CSTL1: variants seen among roughly 807,000 people sequenced by gnomAD.
CSTL1 encodes the protein cystatin-like 1.
CSTL1 carries 14 observed loss-of-function variants against 14.4 expected under a neutral mutation model. The ratio of observed to expected loss-of-function variants is 0.97; its 90% CI spans 0.64 to 1.52. The LOEUF (loss-of-function observed/expected upper bound fraction) is 1.52, where lower values mean the gene tolerates loss of function less well. Ranked by LOEUF, CSTL1 falls within the 40% of genes most tolerant of loss-of-function variation. The probability of loss-of-function intolerance (pLI) is 0.00; values close to 1 mark genes in which losing one functional copy is unlikely to be tolerated. For synonymous variants in CSTL1, 72 were observed against 67.5 expected, an observed-to-expected ratio of 1.07 and a Z score of -0.33; for missense variants, 170 against 168.7, an observed-to-expected ratio of 1.01 and a Z score of -0.04.
At chr20:23,455,527 G>A in the CSTL1 span, among the ~76,000 whole-genome samples, 2 of 152,356 alleles carry the variant, frequency 1.3e-5, no homozygotes, top group South Asian at 2.1e-4. Context: ...GGGCAGGGTG[G>A]TGGGGCTCAC....
chr20:23,457,857 C>T, the CSTL1 span, among the ~76,000 whole-genome samples: 2 of 152,170 alleles, frequency 1.3e-5, no homozygotes, highest in African/African-American at 4.8e-5. Flanking sequence ...GAAAGTCCCA[C>T]TGTAAACTGA....
intron 2 of CSTL1, 60 bp from the exon 3 acceptor site, chr20:23,443,874 G>A (rs1390048290): frequency 5.5e-6 from 7 of 1,272,472 alleles, no homozygotes; most frequent in Non-Finnish European, 8.0e-6. Flanking sequence ...GCTTCTCCAG[G>A]AGAGGGTCAG....
At chr20:23,447,821 T>C (rs6083128), downstream of CSTL1, among the ~76,000 whole-genome samples, 77,049 of 152,102 alleles carry the variant, frequency 0.51, 21,181 homozygotes, top group African/African-American at 0.74. Context: ...GATGTGCTTA[T>C]GTTTAGCCTT....
At chr20:23,459,186 T>A in the CSTL1 span, 1 of 152,280 alleles carries the variant, frequency 6.6e-6, no homozygotes, top group Non-Finnish European at 1.5e-5. Context: ...CACACTTCTA[T>A]CAAAACATGC....
the CSTL1 span, among the ~76,000 whole-genome samples, chr20:23,456,747 G>A: frequency 0.067 from 10,219 of 152,204 alleles, 557 homozygotes; most frequent in East Asian, 0.3. Context: ...ATTCCCTCTG[G>A]ATGGCCTAAG....
downstream of CSTL1, among the ~76,000 whole-genome samples, chr20:23,445,603 CTCA>C (rs1986950869): frequency 6.6e-6 from 1 of 152,178 alleles, no homozygotes; most frequent in East Asian, 1.9e-4. Context: ...TTGGGGAAAC[CTCA>C]TCATTCTTTC....
chr20:23,449,390 G>A (rs759201839), downstream of CSTL1, among the ~76,000 whole-genome samples: 3 of 150,938 alleles, frequency 2.0e-5, no homozygotes, highest in South Asian at 2.1e-4. Flanking sequence ...CTGTAATGCC[G>A]TGTGTATGTG....
At chr20:23,445,311 G>A (rs1446922070), downstream of CSTL1, among the ~76,000 whole-genome samples, 10 of 147,870 alleles carry the variant, frequency 6.8e-5, no homozygotes, top group Admixed American at 1.4e-4. Flanking sequence ...TGAAGCCTCC[G>A]CTAAAGTGGA....
chr20:23,443,885 C>T, intron 2 of CSTL1, 49 bp from the exon 3 acceptor site: 1 of 1,379,222 alleles, frequency 7.3e-7, no homozygotes, highest in Non-Finnish European at 1.0e-6. Flanking sequence ...AGAGGGTCAG[C>T]CACTGGATGC....
chr20:23,453,708 T>C, the CSTL1 span, among the ~76,000 whole-genome samples: 1 of 152,132 alleles, frequency 6.6e-6, no homozygotes, highest in African/African-American at 2.4e-5. Flanking sequence ...CAGTGATGGC[T>C]CCTGTGTGGG....
chr20:23,452,943 C>G, the CSTL1 span: 1 of 653,096 alleles, frequency 1.5e-6, no homozygotes, highest in East Asian at 2.7e-5. Flanking sequence ...TCCTCTCCTC[C>G]TCCTCCCCCT....
chr20:23,451,966 C>T, the CSTL1 span: 1 of 1,464,992 alleles, frequency 6.8e-7, no homozygotes, highest in Non-Finnish European at 9.5e-7. Context: ...CCCCTTCTCC[C>T]CTGTCTGCGG....
intron 3 of CSTL1, 38 bp downstream of exon 3, chr20:23,444,082 T>A (rs368644310): frequency 7.4e-5 from 115 of 1,563,018 alleles, no homozygotes; most frequent in Non-Finnish European, 1.0e-4. Flanking sequence ...ACTTGTGAAG[T>A]GAATATTTTA....
At chr20:23,442,387 C>T (rs896869000) in intron 2 of CSTL1, 2 of 152,282 alleles carry the variant, frequency 1.3e-5, no homozygotes, top group African/African-American at 4.8e-5. Flanking sequence ...CTGCAAAGTG[C>T]CTCAGAATAG....
chr20:23,449,741 G>T (rs954967659), downstream of CSTL1, among the ~76,000 whole-genome samples: 2 of 152,134 alleles, frequency 1.3e-5, no homozygotes, highest in Non-Finnish European at 2.9e-5. Flanking sequence ...CTGTCCTCAG[G>T]ACTTCCTCTC....
At position 23,440,230 on chromosome 20, in the gene CSTL1, A is replaced by G. The variant is rs756690642; in HGVS notation, c.-38A>G. ...GCAGCCTGGCACCACCACACCCTGG[A>G]AGGTGCAGTTGGGAAGAAAGTTTCT... On this transcript the variant is annotated 5_prime_UTR_variant, in exon 2 of 4. Transcript: ENST00000347397. 1.2e-6 allele frequency: 2 copies of G among 1,604,880 alleles called. No individual in the cohort carries two copies. Among genetic ancestry groups the G allele is most frequent in the Non-Finnish European group, 1.7e-6 (2 of 1,172,906 alleles).
chr20:23,452,755 C>T, the CSTL1 span: 3 of 1,614,150 alleles, frequency 1.9e-6, no homozygotes, highest in Admixed American at 1.7e-5. Flanking sequence ...GGAGGGCCAT[C>T]AGAGTCAATA....
intron 1 of CSTL1, 41 bp downstream of exon 1, chr20:23,439,847 C>T (rs1243944559): frequency 4.8e-6 from 1 of 206,584 alleles, no homozygotes; most frequent in East Asian, 1.1e-4. Flanking sequence ...ATGACTGCTT[C>T]CTTATATCTC....
chr20:23,448,288 T>C (rs973146133), downstream of CSTL1, among the ~76,000 whole-genome samples: 1 of 144,730 alleles, frequency 6.9e-6, no homozygotes, highest in Non-Finnish European at 1.5e-5. Flanking sequence ...CCCGCTCACC[T>C]TGCTTTCATA....
Sources: allele counts gnomAD v4.1 joint callset (sites outside exome capture counted in the v4.1 genomes callset), GRCh38; gene constraint gnomAD v4.1.1; transcripts MANE v1.5; gene names NCBI Gene and HGNC (gene_info 2026-07-23, HGNC 2026-07-21).